UPP2: variants seen among roughly 807,000 people sequenced by gnomAD.
UPP2 encodes the protein uridine phosphorylase 2, also known as UPase 2.
Under a neutral mutation model 26.7 loss-of-function variants are expected in UPP2, and 23 were observed. That is an observed-to-expected ratio of 0.86 (90% confidence interval 0.62 to 1.22). The LOEUF (loss-of-function observed/expected upper bound fraction) is 1.22. Ranked by LOEUF, UPP2 falls within the 50% of genes most tolerant of loss-of-function variation. The pLI, the probability that UPP2 is intolerant of heterozygous loss-of-function variation, is 0.00. For synonymous variants in UPP2, 127 were observed against 141.3 expected, an observed-to-expected ratio of 0.90 and a Z score of 0.72; for missense variants, 387 against 396.7, an observed-to-expected ratio of 0.98 and a Z score of 0.21.
intron 3 of UPP2, among the ~76,000 whole-genome samples, chr2:158,046,755 A>G (rs1684161698): frequency 6.6e-6 from 1 of 152,034 alleles, no homozygotes; most frequent in Non-Finnish European, 1.5e-5. Context: ...AAACCTCTCC[A>G]CTTATGTAAT....
chr2:158,047,785 C>T (rs1172176326), intron 3 of UPP2, among the ~76,000 whole-genome samples: 3 of 152,200 alleles, frequency 2.0e-5, no homozygotes, highest in African/African-American at 7.2e-5. Flanking sequence ...CATTAATTTT[C>T]TTTCAACAAG....
chr2:158,015,716 A>C, intron 2 of UPP2: 1 of 438,114 alleles, frequency 2.3e-6, no homozygotes, highest in South Asian at 1.7e-5. Flanking sequence ...TGTGATAGTG[A>C]GCTCTCACAA....
At chr2:158,020,037 G>T (rs1301155182) in intron 3 of UPP2, among the ~76,000 whole-genome samples, 1 of 152,148 alleles carries the variant, frequency 6.6e-6, no homozygotes, top group Non-Finnish European at 1.5e-5. Flanking sequence ...AGGCTAAGGT[G>T]ACTGTTGAAT....
rs548564740 is a variant in UPP2 at position 158,073,591 on chromosome 2, C to T, written c.148-28449C>T. Among the ~76,000 whole-genome samples, 414 of 152,154 alleles carry T rather than the reference C, an allele frequency of 2.7e-3. 1 individual carries two copies. Among genetic ancestry groups the T allele is most frequent in the African/African-American group, 9.5e-3 (393 of 41,524 alleles). ...GATAAAGAAAGGATCCTAAAAACAG[C>T]AAGAGAAAAGAAACAACATACAAAG... On this transcript the variant is annotated intron_variant, in intron 3 of 9. Coordinates refer to the UPP2 transcript ENST00000605860.
intron 2 of UPP2, among the ~76,000 whole-genome samples, chr2:158,011,979 C>T (rs1415229729): frequency 2.6e-5 from 4 of 152,096 alleles, no homozygotes; most frequent in Non-Finnish European, 5.9e-5. Flanking sequence ...TATGGTCTCC[C>T]CTCTTGCTTA....
intron 3 of UPP2, among the ~76,000 whole-genome samples, chr2:158,058,173 G>A (rs966614675): frequency 5.3e-5 from 8 of 151,926 alleles, no homozygotes; most frequent in Non-Finnish European, 1.0e-4. Context: ...TGCGCCTGTA[G>A]TCCCAGCTAC....
intron 6 of UPP2, among the ~76,000 whole-genome samples, chr2:158,132,764 A>T (rs1401326695): frequency 2.6e-5 from 4 of 151,760 alleles, no homozygotes; most frequent in African/African-American, 9.7e-5. Flanking sequence ...CAGATATATT[A>T]AAAAAAACAC....
intron 3 of UPP2, among the ~76,000 whole-genome samples, chr2:158,096,274 A>C (rs1191834946): frequency 6.6e-6 from 1 of 152,250 alleles, no homozygotes; most frequent in Non-Finnish European, 1.5e-5. Flanking sequence ...CAGAAAAAAC[A>C]GGCTGAGAAC....
In UPP2 at chr2:158,123,822, T is replaced by C; in HGVS notation, c.738T>C (p.Phe246=). The C allele has an allele frequency of 6.2e-7, 1 of 1,614,110 alleles. No homozygotes were observed. The highest frequency in any genetic ancestry group is 1.7e-5 in the Admixed American group (1 of 60,034). The change falls in exon 6 of 7, where the codon TTT becomes TTC. Residue 246 remains phenylalanine (F), a synonymous_variant. Coordinates refer to ENST00000005756, the MANE Select transcript of UPP2 (RefSeq NM_173355.4). ...AGTTAGACTACTTGAAGAGAGCATT[T>C]AAAGCTGGTGTCAGGAATATTGAAA... ...EKKLDYLKRA[F]KAGVRNIEME...
chr2:158,065,665 T>C lies in UPP2; in HGVS notation c.148-36375T>C, dbSNP rs1682423233. On this transcript the variant is annotated intron_variant, in intron 3 of 9. Transcript: ENST00000605860. ...AATTCGTAGAGGAACTTAAGAAGTA[T>C]GGAGTTTTCACAATAGATAAGAGTA... 6.8e-6 allele frequency: 4 copies of C among 587,036 alleles called. No individual in the cohort carries two copies. In the East Asian group the frequency reaches 1.4e-4, roughly 21 times the overall value. The allele number at this position is 587,036 out of a possible 1,614,324, so 36.4% of individuals were successfully genotyped here.
chr2:158,097,323 CTTG>C (rs1262423258), upstream of UPP2, among the ~76,000 whole-genome samples: 1 of 151,980 alleles, frequency 6.6e-6, no homozygotes, highest in African/African-American at 2.4e-5. Context: ...CAATTTGAAA[CTTG>C]TTATTTTCTT....
At chr2:158,103,022 A>C (rs1683107367) in intron 1 of UPP2, among the ~76,000 whole-genome samples, 1 of 152,258 alleles carries the variant, frequency 6.6e-6, no homozygotes, top group Admixed American at 6.5e-5. Context: ...ATGTGTTAGG[A>C]AAAGGAAGAA....
chr2:158,031,474 C>T (rs1006501660), intron 3 of UPP2, among the ~76,000 whole-genome samples: 11 of 152,118 alleles, frequency 7.2e-5, no homozygotes, highest in African/African-American at 2.2e-4. Context: ...AAGGGACTTC[C>T]GAGATTTTGA....
At chr2:158,016,714 C>A (rs1683665427) in intron 3 of UPP2, among the ~76,000 whole-genome samples, 1 of 152,032 alleles carries the variant, frequency 6.6e-6, no homozygotes, top group African/African-American at 2.4e-5. Context: ...TTCAAGCAAC[C>A]TTGATGATTG....
chr2:157,999,583 A>G (rs1683374552), intron 2 of UPP2, among the ~76,000 whole-genome samples: 1 of 151,894 alleles, frequency 6.6e-6, no homozygotes, highest in African/African-American at 2.4e-5. Flanking sequence ...TGTTTTAATA[A>G]CCATGACTGC....
chr2:158,035,450 G>A (rs901069315), intron 3 of UPP2, among the ~76,000 whole-genome samples: 5 of 152,118 alleles, frequency 3.3e-5, no homozygotes, highest in African/African-American at 4.8e-5. Flanking sequence ...CACCGCGCCC[G>A]GCCAAGGATC....
chr2:158,023,232 G>A (rs544648845), intron 3 of UPP2, among the ~76,000 whole-genome samples: 3 of 147,020 alleles, frequency 2.0e-5, no homozygotes, highest in Non-Finnish European at 3.0e-5. Flanking sequence ...CTGTCAGTTG[G>A]GGGGGGGCAT....
At chr2:158,109,202 A>G (rs896785001) in intron 2 of UPP2, among the ~76,000 whole-genome samples, 2 of 152,106 alleles carry the variant, frequency 1.3e-5, no homozygotes, top group Non-Finnish European at 2.9e-5. Flanking sequence ...GCTTGTCTTC[A>G]CAGAGATGAT....
intron 2 of UPP2, among the ~76,000 whole-genome samples, chr2:158,114,427 T>G (rs1161859722): frequency 1.3e-5 from 2 of 152,184 alleles, no homozygotes; most frequent in African/African-American, 4.8e-5. Flanking sequence ...CATCTTCTAT[T>G]AGACACCGTT....
Sources: allele counts gnomAD v4.1 joint callset (sites outside exome capture counted in the v4.1 genomes callset), GRCh38; gene constraint gnomAD v4.1.1; transcripts MANE v1.5; gene names NCBI Gene and HGNC (gene_info 2026-07-23, HGNC 2026-07-21).